CIRSR: variants seen among roughly 807,000 people sequenced by gnomAD.
The protein encoded by CIRSR is corepressor of RBPJ and splicing regulator, also known as CBF1 (RBPJ) interacting corepressor 1.
chr2:174,382,740 A>T, the CIRSR span, among the ~76,000 whole-genome samples: 1 of 152,044 alleles, frequency 6.6e-6, no homozygotes, highest in Non-Finnish European at 1.5e-5. Context: ...CTGTTTTAAC[A>T]CTCAAAGTTC....
At chr2:174,366,627 A>G in the CIRSR span, among the ~76,000 whole-genome samples, 1 of 152,248 alleles carries the variant, frequency 6.6e-6, no homozygotes, top group Non-Finnish European at 1.5e-5. Flanking sequence ...TTTGAGAAAG[A>G]AATGAAGTTT....
chr2:174,367,488 G>A, the CIRSR span, among the ~76,000 whole-genome samples: 31,901 of 151,966 alleles, frequency 0.21, 4,983 homozygotes, highest in East Asian at 0.63. Context: ...GCTGAGGCAG[G>A]AGAATCGTTT....
At chr2:174,353,904 T>A in the CIRSR span, among the ~76,000 whole-genome samples, 1 of 152,178 alleles carries the variant, frequency 6.6e-6, no homozygotes, top group Admixed American at 6.5e-5. Flanking sequence ...ACAATTTTAT[T>A]AGATATCGAA....
At chr2:174,351,332 T>C in the CIRSR span, among the ~76,000 whole-genome samples, 2 of 152,136 alleles carry the variant, frequency 1.3e-5, no homozygotes, top group Admixed American at 6.6e-5. Context: ...ATATCAGGGG[T>C]AAGTTAGCAG....
At chr2:174,362,685 T>TAAA in the CIRSR span, among the ~76,000 whole-genome samples, 2 of 83,990 alleles carry the variant, frequency 2.4e-5, no homozygotes, top group Non-Finnish European at 1.9e-5. Flanking sequence ...AGACTCTGCC[T>TAAA]CAAAAAAAAA....
the CIRSR span, chr2:174,348,489 C>T: frequency 1.3e-6 from 2 of 1,588,776 alleles, no homozygotes; most frequent in African/African-American, 1.4e-5. Flanking sequence ...TTCTTCTCTA[C>T]TTCTGCTTCA....
the CIRSR span, among the ~76,000 whole-genome samples, chr2:174,370,953 T>C: frequency 1.3e-5 from 2 of 150,674 alleles, no homozygotes; most frequent in East Asian, 3.9e-4. Context: ...GCTCCATGGA[T>C]GAATGTGGGG....
chr2:174,361,328 A>C, the CIRSR span, among the ~76,000 whole-genome samples: 8 of 152,230 alleles, frequency 5.3e-5, no homozygotes, highest in Non-Finnish European at 2.9e-5. Flanking sequence ...CTCTCCAAGG[A>C]GTTGCATAAG....
the CIRSR span, among the ~76,000 whole-genome samples, chr2:174,385,674 G>A: frequency 6.6e-6 from 1 of 151,766 alleles, no homozygotes; most frequent in African/African-American, 2.4e-5. Context: ...GGATATACGA[G>A]CCAATCTAAC....
chr2:174,362,686 C>CAAAAAAAAAAAAAA, the CIRSR span, among the ~76,000 whole-genome samples: 1 of 20,654 alleles, frequency 4.8e-5, no homozygotes, highest in African/African-American at 1.1e-4. Context: ...GACTCTGCCT[C>CAAAAAAAAAAAAAA]AAAAAAAAAA....
the CIRSR span, chr2:174,380,260 A>G: frequency 3.2e-6 from 5 of 1,577,940 alleles, no homozygotes; most frequent in Non-Finnish European, 4.3e-6. Context: ...TCTATTAAAT[A>G]GAGGAAATGT....
At chr2:174,392,611 G>A in the CIRSR span, among the ~76,000 whole-genome samples, 3 of 152,268 alleles carry the variant, frequency 2.0e-5, no homozygotes, top group East Asian at 1.9e-4. Context: ...GGATTCAAGA[G>A]ATATTTGGAA....
the CIRSR span, chr2:174,380,079 ATTATC>A: frequency 8.2e-6 from 5 of 611,180 alleles, no homozygotes; most frequent in South Asian, 1.0e-4. Context: ...TATTCCTTAT[ATTATC>A]TGATACAAAT....
the CIRSR span, among the ~76,000 whole-genome samples, chr2:174,359,038 G>A: frequency 6.6e-6 from 1 of 152,222 alleles, no homozygotes; most frequent in Non-Finnish European, 1.5e-5. Flanking sequence ...GAATATGAAT[G>A]CTCTTGAAAA....
At chr2:174,352,470 T>A in the CIRSR span, among the ~76,000 whole-genome samples, 16 of 152,348 alleles carry the variant, frequency 1.1e-4, no homozygotes, top group South Asian at 3.3e-3. Flanking sequence ...AATTTTCAGC[T>A]GGGAGTGGTG....
chr2:174,348,923 C>T, the CIRSR span: 1 of 1,614,118 alleles, frequency 6.2e-7, no homozygotes. Flanking sequence ...ACTTGTCCTT[C>T]TCTTCAGAAT....
chr2:174,373,704 A>G, the CIRSR span, among the ~76,000 whole-genome samples: 1 of 151,642 alleles, frequency 6.6e-6, no homozygotes, highest in East Asian at 1.9e-4. Flanking sequence ...CTAGGGCTGG[A>G]TATTTAGACT....
At chr2:174,383,719 C>CAAAAAAA in the CIRSR span, among the ~76,000 whole-genome samples, 6 of 83,142 alleles carry the variant, frequency 7.2e-5, no homozygotes, top group Non-Finnish European at 1.3e-4. Context: ...GACTCCGTCT[C>CAAAAAAA]AAAAAAAAAA....
chr2:174,357,693 G>A, the CIRSR span, among the ~76,000 whole-genome samples: 1 of 152,064 alleles, frequency 6.6e-6, no homozygotes, highest in African/African-American at 2.4e-5. Context: ...TGTCTAATGG[G>A]ACTTATCAAG....
Sources: gnomAD v4.1 joint callset for allele counts (sites outside exome capture counted in the v4.1 genomes callset) on GRCh38, gnomAD v4.1.1 for gene constraint, MANE v1.5 for transcripts, NCBI Gene and HGNC (gene_info 2026-07-23, HGNC 2026-07-21) for gene names.